Variants in MAP9 observed in about 807,000 individuals in gnomAD.
MAP9 encodes microtubule-associated protein 9.
A neutral mutation model predicts 75.2 loss-of-function variants in MAP9; 80 were observed. That is an observed-to-expected ratio of 1.06 (90% CI 0.89 to 1.28). MAP9 has a LOEUF of 1.28. Ranked by LOEUF, MAP9 falls within the 50% of genes most tolerant of loss-of-function variation. The pLI, the probability that MAP9 is intolerant of heterozygous loss-of-function variation, is 0.00. For synonymous variants in MAP9, 235 were observed against 237.3 expected, an observed-to-expected ratio of 0.99 and a Z score of 0.09; for missense variants, 753 against 719.9, an observed-to-expected ratio of 1.05 and a Z score of -0.53.
Position 155,355,063 on chromosome 4 carries a change from C to A in MAP9, c.1380+8G>T, listed in dbSNP as rs1353733872. ...CCAAAACATTTTTACTTCTATATGTCAGAATACCTGTTCATTTTGGATCCT... is the reference window on the plus strand; with the variant it reads ...CCAAAACATTTTTACTTCTATATGTAAGAATACCTGTTCATTTTGGATCCT... On this transcript the variant is annotated splice_region_variant and intron_variant, in intron 10 of 13. Coordinates refer to ENST00000311277, the MANE Select transcript of MAP9 (RefSeq NM_001039580.2). The A allele has an allele frequency of 1.6e-6, 2 of 1,267,870 alleles. No individual in the cohort carries two copies. Among genetic ancestry groups the A allele is most frequent in the Non-Finnish European group, 1.1e-6 (1 of 915,772 alleles). The allele number at this position is 1,267,870 out of a possible 1,614,324, so 78.5% of individuals were successfully genotyped here. A position where few individuals can be genotyped will look rare whatever the true frequency, so the allele number is the denominator to read the frequency against.
chr4:155,347,924 A>T lies in MAP9; in HGVS notation c.1822-19T>A. ...TATTTTCCTAAAGAGAAAATAGAAC[A>T]CTATAAATTTATGTACATATATGAT... On this transcript the variant is annotated intron_variant, in intron 13 of 13. Coordinates refer to ENST00000311277, the MANE Select transcript of MAP9 (RefSeq NM_001039580.2). 5.8e-6 allele frequency: 8 copies of T among 1,388,514 alleles called. No individual in the cohort carries two copies. The highest frequency in any genetic ancestry group is 7.0e-6 in the Non-Finnish European group (7 of 1,002,126). The allele number at this position is 1,388,514 out of a possible 1,614,324, so 86.0% of individuals were successfully genotyped here.
intron 5 of MAP9, among the ~76,000 whole-genome samples, chr4:155,364,316 C>A (rs956124768): frequency 5.9e-5 from 9 of 151,698 alleles, no homozygotes; most frequent in Middle Eastern, 3.4e-3. Context: ...CACTAGTAAA[C>A]CTGTATTACA....
chr4:155,360,576 GA>G (rs1212529544), intron 6 of MAP9, 161 bp from the exon 7 acceptor site: 3 of 654,374 alleles, frequency 4.6e-6, no homozygotes, highest in Non-Finnish European at 7.1e-6. Context: ...AACTCTTTTC[GA>G]AAGTGATTTA....
chr4:155,359,696 T>C (rs554349251), intron 7 of MAP9, among the ~76,000 whole-genome samples: 3 of 152,208 alleles, frequency 2.0e-5, no homozygotes, highest in East Asian at 1.9e-4. Context: ...ATAATACTAA[T>C]GTTCCTGATG....
intron 9 of MAP9, among the ~76,000 whole-genome samples, 169 bp from the exon 10 acceptor site, chr4:155,355,329 A>G (rs1731722915): frequency 1.3e-5 from 2 of 152,240 alleles, no homozygotes; most frequent in East Asian, 1.9e-4. Flanking sequence ...AATTAATACA[A>G]TCTTTTTCCT....
chr4:155,354,031 C>T (rs796633295), intron 10 of MAP9, among the ~76,000 whole-genome samples: 50 of 152,148 alleles, frequency 3.3e-4, no homozygotes, highest in African/African-American at 1.2e-3. Flanking sequence ...TACTATCTAC[C>T]TCACAGAGCT....
chr4:155,354,963 T>C (rs536884967), intron 10 of MAP9, 108 bp downstream of exon 10: 14 of 509,284 alleles, frequency 2.7e-5, no homozygotes, highest in Middle Eastern at 4.2e-4. Context: ...TTCTTTAATA[T>C]ACAAGTTATT....
At chr4:155,368,330 G>C (rs1732420432) in intron 5 of MAP9, 2 of 581,564 alleles carry the variant, frequency 3.4e-6, no homozygotes, top group East Asian at 5.6e-5. Flanking sequence ...AATCACTGGT[G>C]TGTTATAGTT....
chr4:155,359,210 T>TACACACAC (rs56261222), intron 7 of MAP9, among the ~76,000 whole-genome samples: 2,569 of 145,542 alleles, frequency 0.018, 37 homozygotes, highest in East Asian at 0.028. Context: ...AAAATGTGTA[T>TACACACAC]ACACACACAC....
chr4:155,362,767 T>C (rs1048077520), intron 5 of MAP9: 3 of 152,176 alleles, frequency 2.0e-5, no homozygotes, highest in Non-Finnish European at 2.9e-5. Context: ...TATTACAATG[T>C]AGGAAGTTCA....
chr4:155,360,230 C>A lies in MAP9; in HGVS notation c.988G>T (p.Asp330Tyr). Residue 330 changes from aspartate (D) to tyrosine (Y), a missense_variant, in exon 7 of 14, where the codon GAT becomes TAT. Asp to Tyr is a radical substitution (Grantham distance 160). Coordinates refer to ENST00000311277, the MANE Select transcript of MAP9 (RefSeq NM_001039580.2). The part of the protein sequence containing the change: ...ELIMDDDRTV[D>Y]PLLSKSQSIL... ...CTCTGAGATTTAGATAGTAGTGGAT[C>A]AACTGTTCTGTCATCATCCATAATC... is the stretch of plus-strand genomic sequence containing the variant. The A allele has an allele frequency of 3.1e-6, 5 of 1,612,646 alleles. No individual in the cohort carries two copies. In the African/African-American group the frequency reaches 4.0e-5, roughly 13 times the overall value.
chr4:155,350,015 C>A, intron 13 of MAP9: 1 of 229,166 alleles, frequency 4.4e-6, no homozygotes, highest in Non-Finnish European at 8.7e-6. Context: ...GAAAACTGAG[C>A]TTTTTGCTTA....
Position 155,347,809 on chromosome 4 carries a change from T to C in MAP9, c.1918A>G (p.Arg640Gly), listed in dbSNP as rs371189775. 5 of 1,609,724 alleles carry C rather than the reference T, an allele frequency of 3.1e-6. No homozygotes were observed. The highest frequency in any genetic ancestry group is 2.2e-5 in the East Asian group (1 of 44,634). ...EALPPWSPPS[R>G]TVFAKVF ...CAAAACACTTTTGCGAACACAGTTC[T>C]GCTTGGAGGGCTCCACGGAGGAAGT... is the stretch of plus-strand genomic sequence containing the variant. Residue 640 changes from arginine to glycine, a missense_variant, in exon 14 of 14, where the codon AGA becomes GGA. Arg to Gly is a moderately radical substitution (Grantham distance 125). Coordinates refer to ENST00000311277, the MANE Select transcript of MAP9 (RefSeq NM_001039580.2).
chr4:155,369,362 C>A lies in MAP9; in HGVS notation c.482-550G>T, dbSNP rs1372977558. Among the ~76,000 whole-genome samples, 67 of 129,864 alleles carry A rather than the reference C, an allele frequency of 5.2e-4. No homozygotes were observed. The South Asian group carries it at 8.1e-3, about 16-fold the overall frequency. 85.2% of individuals were successfully genotyped at this position (129,864 alleles called of 152,430 possible). A position where few individuals can be genotyped will look rare whatever the true frequency, so the allele number is the denominator to read the frequency against. On this transcript the variant is annotated intron_variant, in intron 4 of 13. Transcript: ENST00000311277. ...AAAAAAAACCAAACAACAACAACAACAAAAAAAAAACAAAGTAAAGAAACA... is the reference window on the plus strand; with the variant it reads ...AAAAAAAACCAAACAACAACAACAAAAAAAAAAAAACAAAGTAAAGAAACA...
At chr4:155,367,888 G>C (rs958656899) in intron 5 of MAP9, among the ~76,000 whole-genome samples, 2 of 152,226 alleles carry the variant, frequency 1.3e-5, no homozygotes, top group African/African-American at 4.8e-5. Context: ...AGCTTGGCCA[G>C]GTGGCATGCA....
chr4:155,367,073 C>A (rs573124514), intron 5 of MAP9, among the ~76,000 whole-genome samples: 1 of 152,168 alleles, frequency 6.6e-6, no homozygotes, highest in South Asian at 2.1e-4. Flanking sequence ...AGAGTTTATC[C>A]CGGGAATGCT....
Position 155,343,592 on chromosome 4 carries a change from AACTC to A in MAP9, c.*4187_*4190del, listed in dbSNP as rs1731186314. Reference sequence around the variant, plus strand: ...TATTTTATCCTTAGCCCACAAATAAAACTCACACCACATTTCCTAACACTATGGG... The same window carrying A: ...TATTTTATCCTTAGCCCACAAATAAAACACCACATTTCCTAACACTATGGG... On this transcript the variant is annotated 3_prime_UTR_variant, in exon 14 of 14. Transcript: ENST00000311277. The A allele has an allele frequency of 6.6e-6, 1 of 151,852 alleles. No homozygotes were observed. The highest frequency in any genetic ancestry group is 2.4e-5 in the African/African-American group (1 of 41,426). The allele number at this position is 151,852 out of a possible 1,614,324, so 9.4% of individuals were successfully genotyped here. A position where few individuals can be genotyped will look rare whatever the true frequency, so the allele number is the denominator to read the frequency against.
chr4:155,352,819 T>C, intron 12 of MAP9, 91 bp from the exon 13 acceptor site: 1 of 1,415,238 alleles, frequency 7.1e-7, no homozygotes, highest in Non-Finnish European at 9.6e-7. Context: ...GAAATTGAAA[T>C]GCATTACTAA....
chr4:155,366,451 G>A (rs1732335066), intron 5 of MAP9, among the ~76,000 whole-genome samples: 1 of 151,996 alleles, frequency 6.6e-6, no homozygotes, highest in Admixed American at 6.6e-5. Flanking sequence ...AAATTATTAG[G>A]TTGGTGCAAA....
Sources: gnomAD v4.1 joint callset for allele counts (sites outside exome capture counted in the v4.1 genomes callset) on GRCh38, gnomAD v4.1.1 for gene constraint, MANE v1.5 for transcripts, NCBI Gene and HGNC (gene_info 2026-07-23, HGNC 2026-07-21) for gene names.